Variants in ARK2N observed in about 807,000 individuals in gnomAD.
The protein encoded by ARK2N is arkadia (RNF111) N-terminal like PKA signaling regulator 2N, also known as protein ARK2N.
the ARK2N span, among the ~76,000 whole-genome samples, chr18:46,212,543 T>C: frequency 6.6e-6 from 1 of 152,198 alleles, no homozygotes; most frequent in Non-Finnish European, 1.5e-5. Context: ...ATGGCCACAT[T>C]GTATGAACAT....
the ARK2N span, among the ~76,000 whole-genome samples, chr18:46,262,390 G>A: frequency 5.6e-3 from 860 of 152,222 alleles, 4 homozygotes; most frequent in Non-Finnish European, 9.6e-3. Context: ...TGACCTTCAG[G>A]ACAAGGGAAA....
the ARK2N span, among the ~76,000 whole-genome samples, chr18:46,204,202 A>T: frequency 6.6e-6 from 1 of 151,814 alleles, no homozygotes; most frequent in Non-Finnish European, 1.5e-5. Flanking sequence ...GATAAATTCT[A>T]TTCAAAATAC....
chr18:46,253,018 A>G, the ARK2N span, among the ~76,000 whole-genome samples: 2 of 152,186 alleles, frequency 1.3e-5, no homozygotes, highest in Non-Finnish European at 2.9e-5. Flanking sequence ...GTTTGTTTCT[A>G]AGGAGAACTC....
chr18:46,246,552 G>A, the ARK2N span, among the ~76,000 whole-genome samples: 1 of 147,154 alleles, frequency 6.8e-6, no homozygotes, highest in Admixed American at 6.8e-5. Flanking sequence ...TAGTCTAGGA[G>A]TTGTTAACAT....
the ARK2N span, among the ~76,000 whole-genome samples, chr18:46,226,608 C>T: frequency 6.6e-6 from 1 of 152,084 alleles, no homozygotes; most frequent in African/African-American, 2.4e-5. Flanking sequence ...ATAGAAAATA[C>T]CACAGGATTG....
At chr18:46,246,644 G>GATAAGAGCAGACCCCAGGCCAGGGGCCT in the ARK2N span, among the ~76,000 whole-genome samples, 1 of 151,142 alleles carries the variant, frequency 6.6e-6, no homozygotes, top group Non-Finnish European at 1.5e-5. Context: ...AAGCATTACA[G>GATAAGAGCAGACCCCAGGCCAGGGGCCT]ATAAGAGCAG....
At chr18:46,215,821 T>C in the ARK2N span, 1 of 1,502,480 alleles carries the variant, frequency 6.7e-7, no homozygotes, top group Admixed American at 2.0e-5. Context: ...GTTGCTTTCC[T>C]GTTGCATCTT....
chr18:46,188,687 A>G, the ARK2N span, among the ~76,000 whole-genome samples: 1 of 152,194 alleles, frequency 6.6e-6, no homozygotes. Context: ...ATAAAAATAT[A>G]AGATTTTGAA....
chr18:46,249,106 C>G, the ARK2N span, among the ~76,000 whole-genome samples: 1 of 152,182 alleles, frequency 6.6e-6, no homozygotes, highest in African/African-American at 2.4e-5. Context: ...ATCCCCCATG[C>G]TAAGCATAGC....
At chr18:46,229,224 GA>G in the ARK2N span, among the ~76,000 whole-genome samples, 6,682 of 144,800 alleles carry the variant, frequency 0.046, 455 homozygotes, top group African/African-American at 0.16. Flanking sequence ...GTGTTGTTTT[GA>G]AAAAAAAAAA....
chr18:46,240,179 C>CA, the ARK2N span: 1 of 1,614,090 alleles, frequency 6.2e-7, no homozygotes. Context: ...GAGCTGAATG[C>CA]AGAGGCAGGT....
the ARK2N span, among the ~76,000 whole-genome samples, chr18:46,199,685 A>G: frequency 3.3e-5 from 5 of 152,064 alleles, no homozygotes; most frequent in African/African-American, 1.2e-4. Flanking sequence ...TGTTGTTTAC[A>G]TACATTGTTG....
chr18:46,232,502 C>T, the ARK2N span: 1 of 152,138 alleles, frequency 6.6e-6, no homozygotes, highest in Non-Finnish European at 1.5e-5. Flanking sequence ...ACCATATGCC[C>T]TTAATCCTAG....
the ARK2N span, among the ~76,000 whole-genome samples, chr18:46,233,506 C>T: frequency 1.3e-5 from 2 of 152,256 alleles, no homozygotes; most frequent in East Asian, 1.9e-4. Context: ...AGATGAATTA[C>T]CTGAGTTATC....
chr18:46,197,182 T>G, the ARK2N span, among the ~76,000 whole-genome samples: 3 of 152,148 alleles, frequency 2.0e-5, no homozygotes, highest in Non-Finnish European at 4.4e-5. Context: ...TTTGTGGCCA[T>G]GAGTTATTTA....
the ARK2N span, among the ~76,000 whole-genome samples, chr18:46,249,379 G>A: frequency 1.3e-5 from 2 of 152,150 alleles, no homozygotes; most frequent in East Asian, 1.9e-4. Flanking sequence ...ACAGGCGCCC[G>A]CCACCACGCC....
chr18:46,261,496 A>G, the ARK2N span, among the ~76,000 whole-genome samples: 1 of 152,244 alleles, frequency 6.6e-6, no homozygotes, highest in African/African-American at 2.4e-5. Context: ...AACCATTTCT[A>G]TAAATGTTGA....
At chr18:46,211,668 A>C in the ARK2N span, among the ~76,000 whole-genome samples, 4 of 152,144 alleles carry the variant, frequency 2.6e-5, no homozygotes, top group African/African-American at 9.7e-5. Flanking sequence ...ATAATGTAAG[A>C]TATTAGGGAA....
At chr18:46,216,810 G>A in the ARK2N span, 6 of 506,100 alleles carry the variant, frequency 1.2e-5, no homozygotes, top group African/African-American at 1.1e-4. The surrounding 1 kb of genome is among the most constrained non-coding windows in gnomAD (Gnocchi z 4.3). Flanking sequence ...AAAATTAAAG[G>A]GTTAATGATA....
Sources: allele counts gnomAD v4.1 joint callset (sites outside exome capture counted in the v4.1 genomes callset), GRCh38; gene constraint gnomAD v4.1.1; non-coding constraint Gnocchi (gnomAD v3.1); transcripts MANE v1.5; gene names NCBI Gene and HGNC (gene_info 2026-07-23, HGNC 2026-07-21).